FBXO2: variants seen among roughly 807,000 people sequenced by gnomAD.
FBXO2 encodes F-box only protein 2.
In FBXO2, 32 loss-of-function variants were observed where a neutral mutation model predicts 38.6. The ratio of observed to expected loss-of-function variants is 0.83; its 90% confidence interval spans 0.62 to 1.11. The LOEUF (loss-of-function observed/expected upper bound fraction) is 1.11. Ranked by LOEUF, FBXO2 falls within the 50% of genes most tolerant of loss-of-function variation. The pLI, the probability that FBXO2 is intolerant of heterozygous loss-of-function variation, is 0.00. For missense variants in FBXO2, 450 were observed against 418.3 expected, an observed-to-expected ratio of 1.08 and a Z score of -0.66; for synonymous variants, 189 against 182.9, an observed-to-expected ratio of 1.03 and a Z score of -0.27.
Position 11,648,756 on chromosome 1 carries a change from C to G in FBXO2, c.829G>C (p.Val277Leu). The change falls in exon 6 of 6, where the codon GTC (valine) becomes CTC (leucine). Residue 277 changes from valine (V) to leucine (L), a missense_variant. Val to Leu is a conservative substitution (Grantham distance 32, BLOSUM62 1). Coordinates refer to ENST00000354287, the MANE Select transcript of FBXO2 (RefSeq NM_012168.6). The surrounding 1 kb of genome is among the most constrained non-coding windows in gnomAD (Gnocchi z 4.2). The stretch of plus-strand genomic sequence containing the variant: ...GCCCCGAACCAGCCCTTCCAGTAGA[C>G]GGAGTCCTGCCCCCCGTGCTCGAAG... The part of the protein sequence containing the change: ...VRFEHGGQDS[V>L]YWKGWFGARV... 6.2e-7 allele frequency: 1 copy of G among 1,613,670 alleles called. No homozygotes were observed.
chr1:11,650,136 C>T (rs1038676040), intron 2 of FBXO2, 62 bp from the exon 3 acceptor site: 9 of 1,598,012 alleles, frequency 5.6e-6, no homozygotes, highest in African/African-American at 2.7e-5. Context: ...GCTCTTGCCA[C>T]TATGTGGTGG....
intron 1 of FBXO2, among the ~76,000 whole-genome samples, chr1:11,651,473 A>G (rs1185033765): frequency 6.6e-6 from 1 of 152,084 alleles, no homozygotes; most frequent in African/African-American, 2.4e-5. Context: ...TTTCAACTTC[A>G]TTTACTCTTT....
chr1:11,650,150 G>A (rs1205995153), intron 2 of FBXO2, 76 bp from the exon 3 acceptor site: 1 of 1,584,952 alleles, frequency 6.3e-7, no homozygotes, highest in Non-Finnish European at 8.6e-7. Flanking sequence ...GTGGTGGGGG[G>A]CAGGGCAAAG....
rs1263020843 is a variant in FBXO2 at position 11,654,207 on chromosome 1, T to G, written c.22+112A>C. 9 of 1,220,388 alleles carry G rather than the reference T, an allele frequency of 7.4e-6. No individual in the cohort carries two copies. In the African/African-American group the frequency reaches 1.3e-4, roughly 17 times the overall value. The allele number at this position is 1,220,388 out of a possible 1,614,324, so 75.6% of individuals were successfully genotyped here. A position where few individuals can be genotyped will look rare whatever the true frequency, so the allele number is the denominator to read the frequency against. On this transcript the variant is annotated intron_variant, in intron 1 of 5. Coordinates refer to ENST00000354287, the MANE Select transcript of FBXO2 (RefSeq NM_012168.6). The stretch of plus-strand genomic sequence containing the variant: ...CTAGGGCTTCGCTGGCGTGAAAGTT[T>G]GCCGCGCCAGGTCTCCGGGTCCCCT...
At chr1:11,653,717 T>C (rs1639587973) in intron 1 of FBXO2, among the ~76,000 whole-genome samples, 1 of 151,782 alleles carries the variant, frequency 6.6e-6, no homozygotes, top group South Asian at 2.1e-4. Flanking sequence ...GTTGGAGGGA[T>C]GGGGGTGAGG....
At chr1:11,652,049 C>T (rs1639530622) in intron 1 of FBXO2, among the ~76,000 whole-genome samples, 1 of 152,202 alleles carries the variant, frequency 6.6e-6, no homozygotes, top group South Asian at 2.1e-4. Flanking sequence ...GGCTGACCTC[C>T]AACTCCTGGA....
In FBXO2 at chr1:11,648,729, G is replaced by T. The variant is rs763877988; in HGVS notation, c.856C>A (p.Arg286=). 1 of 1,613,272 alleles carries T rather than the reference G, an allele frequency of 6.2e-7. No individual in the cohort carries two copies. Among genetic ancestry groups the T allele is most frequent in the African/African-American group, 1.3e-5 (1 of 74,920 alleles). The change falls in exon 6 of 6, where the codon CGG becomes AGG. Residue 286 remains arginine, a synonymous_variant. Coordinates refer to ENST00000354287, the MANE Select transcript of FBXO2 (RefSeq NM_012168.6). The surrounding 1 kb of genome is among the most constrained non-coding windows in gnomAD (Gnocchi z 4.2). ...SVYWKGWFGA[R]VTNSSVWVEP Reference sequence around the variant, plus strand: ...ACCCACACGCTGCTGTTGGTCACCCGGGCCCCGAACCAGCCCTTCCAGTAG... The same window carrying T: ...ACCCACACGCTGCTGTTGGTCACCCTGGCCCCGAACCAGCCCTTCCAGTAG...
chr1:11,651,096 T>A (rs1054299265), intron 1 of FBXO2, among the ~76,000 whole-genome samples: 4 of 152,228 alleles, frequency 2.6e-5, no homozygotes, highest in Non-Finnish European at 5.9e-5. Context: ...CCTGGGCAGA[T>A]GGCAACAAGG....
rs751678150 is a variant in FBXO2 at position 11,649,983 on chromosome 1, G to T, written c.483C>A (p.His161Gln). The T allele has an allele frequency of 1.2e-6, 2 of 1,613,824 alleles. No homozygotes were observed. The highest frequency in any genetic ancestry group is 2.7e-5 in the African/African-American group (2 of 74,890). The change falls in exon 3 of 6, where the codon CAC (histidine) becomes CAA (glutamine). Residue 161 changes from histidine to glutamine, a missense_variant. His to Gln is a conservative substitution (Grantham distance 24). Coordinates refer to ENST00000354287, the MANE Select transcript of FBXO2 (RefSeq NM_012168.6). ...CGAAGTACTTCTTGACGCTCTCATC[G>T]TGGGTGAACTCCACCCCACTGTCTC... ...LPGDSGVEFT[H>Q]DESVKKYFAS...
chr1:11,649,656 C>T lies in FBXO2; in HGVS notation c.617+123G>A, dbSNP rs1639479353. The T allele has an allele frequency of 1.0e-5, 10 of 966,026 alleles. No homozygotes were observed. In the Admixed American group the frequency reaches 1.2e-4, roughly 12 times the overall value. The allele number at this position is 966,026 out of a possible 1,614,324, so 59.8% of individuals were successfully genotyped here. ...GTTGTCAACCTTTGCAGACCCGTGG[C>T]CCACGTGGCCTCAACCCCTGCAGTG... is the stretch of plus-strand genomic sequence containing the variant. On this transcript the variant is annotated intron_variant, in intron 4 of 5. Transcript: ENST00000354287.
intron 2 of FBXO2, 119 bp from the exon 3 acceptor site, chr1:11,650,193 A>G: frequency 6.8e-7 from 1 of 1,462,704 alleles, no homozygotes. Context: ...GCAGATGATG[A>G]ATGAGAGGGT....
Position 11,648,972 on chromosome 1 carries a change from T to TCAGCG in FBXO2, c.756+114_756+115insCGCTG. 1.4e-6 allele frequency: 1 copy of TCAGCG among 713,242 alleles called. No individual in the cohort carries two copies. Among genetic ancestry groups the TCAGCG allele is most frequent in the Non-Finnish European group, 2.1e-6 (1 of 475,536 alleles). The allele number at this position is 713,242 out of a possible 1,614,324, so 44.2% of individuals were successfully genotyped here. A position where few individuals can be genotyped will look rare whatever the true frequency, so the allele number is the denominator to read the frequency against. ...CTCTCTCCACCACCCGGTGACTATC[T>TCAGCG]CAGCCCAGCCCAGCCCAGCCCACCC... On this transcript the variant is annotated intron_variant, in intron 5 of 5. Transcript: ENST00000354287. The surrounding 1 kb of genome is among the most constrained non-coding windows in gnomAD (Gnocchi z 4.2).
chr1:11,650,917 T>A, intron 1 of FBXO2, 83 bp from the exon 2 acceptor site: 2 of 1,475,954 alleles, frequency 1.4e-6, no homozygotes, highest in Non-Finnish European at 1.8e-6. Flanking sequence ...GCCCGTAACC[T>A]CCCCCACCCA....
intron 1 of FBXO2, among the ~76,000 whole-genome samples, chr1:11,653,688 C>G (rs2100591249): frequency 6.6e-6 from 1 of 152,212 alleles, no homozygotes; most frequent in East Asian, 1.9e-4. Flanking sequence ...GCAGGCAACC[C>G]CTGCAGGCCC....
Position 11,648,608 on chromosome 1 carries a change from T to C in FBXO2, c.*86A>G. The C allele has an allele frequency of 1.3e-6, 2 of 1,522,368 alleles. No individual in the cohort carries two copies. The highest frequency in any genetic ancestry group is 1.8e-6 in the Non-Finnish European group (2 of 1,120,154). 94.3% of individuals were successfully genotyped at this position (1,522,368 alleles called of 1,614,324 possible). On this transcript the variant is annotated 3_prime_UTR_variant, in exon 6 of 6. Coordinates refer to ENST00000354287, the MANE Select transcript of FBXO2 (RefSeq NM_012168.6). This position sits in a 1 kb window ranked among gnomAD's most constrained non-coding sequence, Gnocchi z 4.2. ...AGGAGGATGTGTGGCTTGGGGAAGG[T>C]GAGGACGCTATGGACTAAGTTAAGG...
rs1318233335 is a variant in FBXO2, at chr1:11,650,476, C to T, written c.381G>A (p.Pro127=). Residue 127 remains proline (P), a synonymous_variant, in exon 2 of 6, where the codon CCG becomes CCA. Coordinates refer to ENST00000354287, the MANE Select transcript of FBXO2 (RefSeq NM_012168.6). ...SKRRRNLLRN[P]CGEEDLEGWC... is the part of the protein sequence containing the mutation. The stretch of plus-strand genomic sequence containing the variant: ...GCGAGGGCCTCTCACCTTCCCCACA[C>T]GGGTTACGCAGAAGGTTGCGGCGCC... The T allele has an allele frequency of 6.2e-7, 1 of 1,609,354 alleles. No homozygotes were observed.
Position 11,654,380 on chromosome 1 carries a change from T to C in FBXO2, c.-40A>G. On this transcript the variant is annotated 5_prime_UTR_variant, in exon 1 of 6. Transcript: ENST00000354287. ...GTCGCGAGAGGAGGAGCCGGAGCGC[T>C]GCGGGCTGCGCGAGTCCCGGGGCGG... The C allele has an allele frequency of 7.3e-7, 1 of 1,372,652 alleles. No individual in the cohort carries two copies. The highest frequency in any genetic ancestry group is 9.4e-7 in the Non-Finnish European group (1 of 1,067,314). The allele number at this position is 1,372,652 out of a possible 1,614,324, so 85.0% of individuals were successfully genotyped here.
chr1:11,650,106 C>T, intron 2 of FBXO2, 32 bp from the exon 3 acceptor site: 4 of 1,612,602 alleles, frequency 2.5e-6, no homozygotes, highest in Non-Finnish European at 3.4e-6. Flanking sequence ...ACCCTGGTCA[C>T]TCAGTCCCTG....
chr1:11,650,028 C>G lies in FBXO2; in HGVS notation c.438G>C (p.Trp146Cys). 6.2e-7 allele frequency: 1 copy of G among 1,614,144 alleles called. No homozygotes were observed. Among genetic ancestry groups the G allele is most frequent in the Non-Finnish European group, 8.5e-7 (1 of 1,180,038 alleles). ...TGTCTCCAGGCAGCTCCTCCACCCT[C>G]CAGCCGTCCCCACCATGCTCCACGT... Reference protein sequence around the residue: ...WCDVEHGGDGWRVEELPGDSG... With the variant: ...WCDVEHGGDGCRVEELPGDSG... The change falls in exon 3 of 6, where the codon TGG (tryptophan) becomes TGC (cysteine). Residue 146 changes from tryptophan (W) to cysteine (C), a missense_variant. Physicochemically the swap from Trp to Cys is radical, Grantham distance 215 (BLOSUM62 -2). Transcript: ENST00000354287.
Sources: gnomAD v4.1 joint callset for allele counts (sites outside exome capture counted in the v4.1 genomes callset) on GRCh38, gnomAD v4.1.1 for gene constraint, Gnocchi (gnomAD v3.1) non-coding constraint, MANE v1.5 for transcripts, NCBI Gene and HGNC (gene_info 2026-07-23, HGNC 2026-07-21) for gene names.